RBFOX1: variants seen among roughly 807,000 people sequenced by gnomAD.
RBFOX1 encodes the protein RNA binding fox-1 homolog 1.
In RBFOX1, 8 loss-of-function variants were observed where a neutral mutation model predicts 57.7. The ratio of observed to expected loss-of-function variants is 0.14; its 90% CI spans 0.08 to 0.25. The LOEUF is 0.25. RBFOX1 is among the 10% of genes least tolerant of loss of function. The pLI, the probability that RBFOX1 is intolerant of heterozygous loss-of-function variation, is 1.00. For synonymous variants in RBFOX1, 326 were observed against 222.4 expected, an observed-to-expected ratio of 1.47 and a Z score of -4.15; for missense variants, 611 against 548.5, an observed-to-expected ratio of 1.11 and a Z score of -1.14.
chr16:6,818,414 G>A (rs1177283882), intron 3 of RBFOX1, among the ~76,000 whole-genome samples: 3 of 152,062 alleles, frequency 2.0e-5, no homozygotes, highest in Non-Finnish European at 4.4e-5. Context: ...CTGACGTACA[G>A]ATCCATGAGT....
intron 1 of RBFOX1, among the ~76,000 whole-genome samples, chr16:5,293,671 TG>T (rs2063589357): frequency 6.6e-6 from 1 of 152,112 alleles, no homozygotes; most frequent in South Asian, 2.1e-4. Flanking sequence ...GTATGTTACA[TG>T]ATTCCATTTA....
At chr16:6,793,519 A>C (rs572131112) in intron 3 of RBFOX1, among the ~76,000 whole-genome samples, 3 of 152,114 alleles carry the variant, frequency 2.0e-5, no homozygotes, top group Non-Finnish European at 4.4e-5. Flanking sequence ...GCCATTTCCA[A>C]ACATTTCTAG....
At chr16:7,623,742 T>G (rs1241082100) in intron 10 of RBFOX1, among the ~76,000 whole-genome samples, 1 of 152,144 alleles carries the variant, frequency 6.6e-6, no homozygotes, top group Admixed American at 6.5e-5. Flanking sequence ...GCTGGAAGTC[T>G]GAGATCATGG....
intron 1 of RBFOX1, among the ~76,000 whole-genome samples, chr16:6,245,582 C>G (rs1598760749): frequency 6.6e-6 from 1 of 152,094 alleles, no homozygotes; most frequent in African/African-American, 2.4e-5. Context: ...CTTTATTGCC[C>G]TCTACACACT....
At chr16:5,501,243 G>A (rs2043183567) in intron 2 of RBFOX1, among the ~76,000 whole-genome samples, 2 of 147,552 alleles carry the variant, frequency 1.4e-5, no homozygotes, top group African/African-American at 2.6e-5. Flanking sequence ...GATTGAACTC[G>A]GGAGGCGGAG....
chr16:6,517,775 T>C (rs2096410231), intron 2 of RBFOX1, among the ~76,000 whole-genome samples: 1 of 152,220 alleles, frequency 6.6e-6, no homozygotes, highest in Admixed American at 6.5e-5. Flanking sequence ...GCCAAGATTT[T>C]TCCAAGTTGT....
intron 3 of RBFOX1, among the ~76,000 whole-genome samples, chr16:5,805,642 G>C (rs1242949333): frequency 6.6e-6 from 1 of 152,296 alleles, no homozygotes; most frequent in Non-Finnish European, 1.5e-5. Flanking sequence ...GTGGAGAGCT[G>C]TTACCACCCC....
chr16:7,435,927 G>A (rs1453740998), intron 4 of RBFOX1, among the ~76,000 whole-genome samples: 1 of 152,178 alleles, frequency 6.6e-6, no homozygotes, highest in African/African-American at 2.4e-5. Flanking sequence ...AGCACTTGTT[G>A]AAGTACGTCA....
At chr16:7,472,105 T>TA (rs1221021354) in intron 4 of RBFOX1, among the ~76,000 whole-genome samples, 1 of 152,190 alleles carries the variant, frequency 6.6e-6, no homozygotes, top group Non-Finnish European at 1.5e-5. Flanking sequence ...TAGTTATCAT[T>TA]AAAAAATCGA....
chr16:7,265,958 G>GTTTTTTTTTTT lies in RBFOX1; in HGVS notation c.27+213865_27+213866insTTTTTTTTTTT, dbSNP rs201372502. 1.9e-5 allele frequency among the ~76,000 whole-genome samples: 2 copies of GTTTTTTTTTTT among 107,604 alleles called. 1 individual carries two copies. The highest frequency in any genetic ancestry group is 9.2e-5 in the African/African-American group (2 of 21,738). 70.6% of individuals were successfully genotyped at this position (107,604 alleles called of 152,430 possible). On this transcript the variant is annotated intron_variant, in intron 4 of 15. Transcript: ENST00000550418. The stretch of plus-strand genomic sequence containing the variant: ...GTGAGTGAGTTATGAGATCTGGTGG[G>GTTTTTTTTTTT]TTTTTGTTTTTTTTTTTTTTTTTTT...
rs187525326 is a variant in RBFOX1 at position 7,331,058 on chromosome 16, C to T, written c.28-187089C>T. 5.3e-5 allele frequency among the ~76,000 whole-genome samples: 8 copies of T among 152,214 alleles called. No homozygotes were observed. In the East Asian group the frequency reaches 1.5e-3, roughly 29 times the overall value. On this transcript the variant is annotated intron_variant, in intron 4 of 15. Coordinates refer to ENST00000550418, the MANE Select transcript of RBFOX1 (RefSeq NM_018723.4). ...GCATGAGAATCAATTACAGAGAAAC[C>T]TTGTCAAGATGGCCAAAATTCAGCC...
rs770361549 is a variant in RBFOX1, at chr16:6,830,769, C to T, written c.-16+176119C>T. On this transcript the variant is annotated intron_variant, in intron 3 of 15. Coordinates refer to ENST00000550418, the MANE Select transcript of RBFOX1 (RefSeq NM_018723.4). ...CATTCTGGTAATTTTAGGAGGATGA[C>T]GTCCTCTGTTGAGATGGTAAGGGGT... Among the ~76,000 whole-genome samples the T allele has an allele frequency of 4.6e-5, 7 of 152,146 alleles. No individual in the cohort carries two copies. In the South Asian group the frequency reaches 8.3e-4, roughly 18 times the overall value.
intron 1 of RBFOX1, among the ~76,000 whole-genome samples, chr16:6,042,027 C>T (rs948616959): frequency 5.3e-5 from 8 of 152,022 alleles, no homozygotes; most frequent in Admixed American, 3.9e-4. Context: ...CTTGTGGCCC[C>T]TCCTCCATCT....
intron 3 of RBFOX1, among the ~76,000 whole-genome samples, chr16:5,852,871 C>G (rs1769475922): frequency 6.6e-6 from 1 of 152,062 alleles, no homozygotes; most frequent in African/African-American, 2.4e-5. Flanking sequence ...TGGAGGATCA[C>G]CTTTCCCCTG....
At chr16:5,618,292 C>G (rs1157195342) in intron 3 of RBFOX1, among the ~76,000 whole-genome samples, 1 of 151,876 alleles carries the variant, frequency 6.6e-6, no homozygotes, top group Non-Finnish European at 1.5e-5. Context: ...ATGCATGAGT[C>G]CAGATTCATC....
rs184479821 is a variant in RBFOX1, at chr16:7,481,376, A to G, written c.28-36771A>G. ...AATGTATGCACATATGTCAGGTGAT[A>G]TTAGATATAAATTGCTGCTAAATTA... On this transcript the variant is annotated intron_variant, in intron 4 of 15. Coordinates refer to ENST00000550418, the MANE Select transcript of RBFOX1 (RefSeq NM_018723.4). Among the ~76,000 whole-genome samples, 578 of 152,306 alleles carry G rather than the reference A, an allele frequency of 3.8e-3. 27 individuals are homozygous for G. The highest frequency in any genetic ancestry group is 0.037 in the Admixed American group (569 of 15,304).
At chr16:7,017,388 T>C (rs2093969982) in intron 3 of RBFOX1, among the ~76,000 whole-genome samples, 1 of 152,212 alleles carries the variant, frequency 6.6e-6, no homozygotes. Flanking sequence ...TTTATGGCTC[T>C]CTAATAACGA....
intron 2 of RBFOX1, among the ~76,000 whole-genome samples, chr16:6,652,221 C>T (rs187380949): frequency 8.5e-5 from 13 of 152,178 alleles, no homozygotes; most frequent in African/African-American, 1.7e-4. Flanking sequence ...GAGGGCGAGG[C>T]GGGCAGATCA....
At chr16:6,916,340 G>T (rs2073151337) in intron 3 of RBFOX1, among the ~76,000 whole-genome samples, 1 of 152,180 alleles carries the variant, frequency 6.6e-6, no homozygotes, top group South Asian at 2.1e-4. Flanking sequence ...TTACCTTTTT[G>T]CTATTATGGC....
Sources: allele counts gnomAD v4.1 joint callset (sites outside exome capture counted in the v4.1 genomes callset), GRCh38; gene constraint gnomAD v4.1.1; transcripts MANE v1.5; gene names NCBI Gene and HGNC (gene_info 2026-07-23, HGNC 2026-07-21).